The following MAMLD1 variants were observed in gnomAD, a reference collection of about 807,000 sequenced individuals.
MAMLD1 encodes mastermind-like domain-containing protein 1.
Under a neutral mutation model 45.0 loss-of-function variants are expected in MAMLD1, and 14 were observed. The ratio of observed to expected loss-of-function variants is 0.31; its 90% CI spans 0.21 to 0.49. MAMLD1 has a LOEUF of 0.49. Among genes scored for constraint, MAMLD1 ranks in the 20% least tolerant of loss-of-function variants. The probability of loss-of-function intolerance (pLI) is 0.99; values close to 1 mark genes in which losing one functional copy is unlikely to be tolerated. For synonymous variants in MAMLD1, 254 were observed against 247.8 expected (o/e 1.02, Z -0.24); for missense variants, 543 against 603.6 (o/e 0.90, Z 1.05).
chrX:150,512,293 C>T lies in MAMLD1; in HGVS notation c.*334C>T. 1 of 1,124,028 alleles carries T rather than the reference C, an allele frequency of 8.9e-7. No individual in the cohort carries two copies. 92.6% of individuals were successfully genotyped at this position (1,124,028 alleles called of 1,213,427 possible). On this transcript the variant is annotated 3_prime_UTR_variant, in exon 8 of 8. Transcript: ENST00000370401. The stretch of plus-strand genomic sequence containing the variant: ...GCCAGCATATGCAGAGTCCCAAGGC[C>T]ACCCCACCAGAAGTGCCCCTGCCTG...
intron 1 of MAMLD1, among the ~76,000 whole-genome samples, chrX:150,429,121 A>C (rs868958003): frequency 9.1e-6 from 1 of 110,392 alleles, no homozygotes; most frequent in South Asian, 3.9e-4. Flanking sequence ...GGAGTTAGTG[A>C]TGGCCTTAGC....
chrX:150,485,195 C>A (rs1384586658), intron 5 of MAMLD1, among the ~76,000 whole-genome samples: 1 of 111,660 alleles, frequency 9.0e-6, no homozygotes, highest in Non-Finnish European at 1.9e-5. Context: ...ATTGTCCAAG[C>A]CAACTCCAGC....
chrX:150,451,195 A>G (rs1233190267), intron 2 of MAMLD1, among the ~76,000 whole-genome samples: 1 of 112,368 alleles, frequency 8.9e-6, no homozygotes, highest in East Asian at 2.8e-4. Flanking sequence ...ACCTGGGAGC[A>G]TGACACTGCC....
At chrX:150,502,857 G>T (rs1390237727) in intron 5 of MAMLD1, among the ~76,000 whole-genome samples, 2 of 111,783 alleles carry the variant, frequency 1.8e-5, no homozygotes, top group Admixed American at 1.9e-4. Context: ...GTGGGATCAG[G>T]CTTGGTCAAA....
intron 1 of MAMLD1, among the ~76,000 whole-genome samples, chrX:150,414,240 A>T (rs1461753701): frequency 2.7e-5 from 3 of 111,065 alleles, no homozygotes; most frequent in African/African-American, 9.8e-5. Flanking sequence ...GACAAAAGCA[A>T]AAAAGAGCTC....
intron 5 of MAMLD1, among the ~76,000 whole-genome samples, chrX:150,482,029 AAAG>A (rs2036830605): frequency 9.4e-6 from 1 of 106,188 alleles, no homozygotes; most frequent in African/African-American, 3.5e-5. Flanking sequence ...AGAAAGAAAG[AAAG>A]AATTGAAAGC....
intron 5 of MAMLD1, among the ~76,000 whole-genome samples, chrX:150,481,968 GA>G (rs1410651339): frequency 3.8e-4 from 13 of 34,431 alleles, no homozygotes; most frequent in Admixed American, 6.4e-4. Flanking sequence ...AAAGAAAAAA[GA>G]AAGAAAGAAA....
At chrX:150,486,382 G>GC (rs2036988116) in intron 5 of MAMLD1, among the ~76,000 whole-genome samples, 1 of 111,561 alleles carries the variant, frequency 9.0e-6, no homozygotes, top group African/African-American at 3.3e-5. Flanking sequence ...TGGATCCAAC[G>GC]CCTACTAGCC....
At chrX:150,392,654 G>A (rs1305468757) in intron 1 of MAMLD1, among the ~76,000 whole-genome samples, 1 of 110,254 alleles carries the variant, frequency 9.1e-6, no homozygotes, top group Non-Finnish European at 1.9e-5. Context: ...GGAGAGGGAT[G>A]GTTTTTCTGT....
Position 150,462,831 on chromosome X carries a change from A to G in MAMLD1, c.156A>G (p.Pro52=), listed in dbSNP as rs16996606. ...TATCTTTTCTCTACAAGAGCAGCCC[A>G]GGAAGAAAGCATCAGGTAAGCATAA... ...EDLSFLYKSS[P]GRKHQGTVKR... is the part of the protein sequence containing the mutation. Residue 52 remains proline (P), a synonymous_variant, in exon 3 of 8, where the codon CCA becomes CCG. Transcript: ENST00000370401. 3,162 of 1,206,952 alleles carry G rather than the reference A, an allele frequency of 2.6e-3. 47 individuals carry two copies. The African/African-American group carries it at 0.046, about 18-fold the overall frequency.
intron 1 of MAMLD1, among the ~76,000 whole-genome samples, chrX:150,429,672 T>A (rs1005692393): frequency 1.8e-5 from 2 of 111,628 alleles, no homozygotes; most frequent in Admixed American, 9.5e-5. Context: ...TGATATAAAC[T>A]TTCATGTCTC....
rs2037972701 is a variant in MAMLD1 at position 150,514,010 on chromosome X, T to C, written c.*2051T>C. On this transcript the variant is annotated 3_prime_UTR_variant, in exon 8 of 8. Transcript: ENST00000370401. ...GTCATGTATATTTAAGTGTCTGTTA[T>C]AGAAAACCCACACCCACTGTCCTGT... 1 of 291,297 alleles carries C rather than the reference T, an allele frequency of 3.4e-6. No homozygotes were observed. The highest frequency in any genetic ancestry group is 2.7e-5 in the African/African-American group (1 of 37,016). 24.0% of individuals were successfully genotyped at this position (291,297 alleles called of 1,213,427 possible). A position where few individuals can be genotyped will look rare whatever the true frequency, so the allele number is the denominator to read the frequency against.
intron 1 of MAMLD1, among the ~76,000 whole-genome samples, chrX:150,368,447 G>C (rs2124447742): frequency 9.2e-6 from 1 of 109,174 alleles, no homozygotes; most frequent in Non-Finnish European, 1.9e-5. Context: ...GTTCTTTGTA[G>C]ATTCTGTATA....
At chrX:150,497,709 C>G (rs782416453) in intron 5 of MAMLD1, among the ~76,000 whole-genome samples, 1 of 111,829 alleles carries the variant, frequency 8.9e-6, no homozygotes, top group South Asian at 3.8e-4. Context: ...GAAGAGGACA[C>G]CTGGGTCTCA....
chrX:150,468,237 G>GA lies in MAMLD1; in HGVS notation c.172-1507dup, dbSNP rs1384255516. On this transcript the variant is annotated intron_variant, in intron 3 of 7. Transcript: ENST00000370401. ...AAGGCCTGAGACATACAGCCCTGGG[G>GA]ATCTGCTTTGATGTTCACTTGGCCA... Among the ~76,000 whole-genome samples the GA allele has an allele frequency of 3.6e-5, 4 of 112,125 alleles. No individual in the cohort carries two copies. The East Asian group carries it at 1.1e-3, about 32-fold the overall frequency.
chrX:150,406,337 A>C (rs1200338426), intron 1 of MAMLD1, among the ~76,000 whole-genome samples: 1 of 111,183 alleles, frequency 9.0e-6, no homozygotes, highest in East Asian at 2.8e-4. Flanking sequence ...AATCTTTCCC[A>C]GACAGATGCA....
intron 5 of MAMLD1, among the ~76,000 whole-genome samples, chrX:150,491,082 G>C (rs1316637503): frequency 4.5e-5 from 5 of 111,309 alleles, no homozygotes; most frequent in African/African-American, 1.6e-4. Context: ...GGCTGAACCG[G>C]ACCTTGCAAG....
At chrX:150,455,235 A>T (rs1156716871) in intron 2 of MAMLD1, among the ~76,000 whole-genome samples, 1 of 112,480 alleles carries the variant, frequency 8.9e-6, no homozygotes, top group Non-Finnish European at 1.9e-5. Context: ...GCGCACTTTT[A>T]AAAAAGTTAA....
At chrX:150,369,563 C>T (rs960600783) in intron 1 of MAMLD1, among the ~76,000 whole-genome samples, 16 of 112,537 alleles carry the variant, frequency 1.4e-4, no homozygotes, top group African/African-American at 5.2e-4. Context: ...GAATCAGAGA[C>T]AGCGGACATC....
Sources: allele counts gnomAD v4.1 joint callset (sites outside exome capture counted in the v4.1 genomes callset), GRCh38; gene constraint gnomAD v4.1.1; transcripts MANE v1.5; gene names NCBI Gene and HGNC (gene_info 2026-07-23, HGNC 2026-07-21).